TIAM1: variants seen among roughly 807,000 people sequenced by gnomAD.
TIAM1 encodes TIAM Rac1 associated GEF 1.
TIAM1 carries 65 observed loss-of-function variants against 163.5 expected under a neutral mutation model. The ratio of observed to expected loss-of-function variants is 0.40; its 90% CI spans 0.33 to 0.49. TIAM1 has a LOEUF of 0.49. TIAM1 is among the 20% of genes least tolerant of loss of function. The pLI, the probability that TIAM1 is intolerant of heterozygous loss-of-function variation, is 0.77. For missense variants in TIAM1, 1,789 were observed against 2,044.7 expected (o/e 0.87, Z 2.41); for synonymous variants, 833 against 810.1 (o/e 1.03, Z -0.48).
chr21:31,369,273 A>C (rs1461136178), intron 2 of TIAM1, among the ~76,000 whole-genome samples: 1 of 151,900 alleles, frequency 6.6e-6, no homozygotes, highest in Non-Finnish European at 1.5e-5. Context: ...AGGAAGCTAC[A>C]TGAGACTGAA....
chr21:31,153,806 G>A (rs8133904), intron 17 of TIAM1, among the ~76,000 whole-genome samples: 18,912 of 151,948 alleles, frequency 0.12, 1,428 homozygotes, highest in African/African-American at 0.2. Context: ...CACGCCTATA[G>A]TCCCAGTACT....
chr21:31,337,691 C>T (rs372042639), intron 2 of TIAM1, among the ~76,000 whole-genome samples: 18 of 151,822 alleles, frequency 1.2e-4, no homozygotes, highest in African/African-American at 3.1e-4. Flanking sequence ...GCCACCACAC[C>T]GGGCTAATTT....
intron 26 of TIAM1, among the ~76,000 whole-genome samples, 192 bp from the exon 27 acceptor site, chr21:31,124,886 G>C (rs918109622): frequency 6.6e-6 from 1 of 152,168 alleles, no homozygotes; most frequent in Non-Finnish European, 1.5e-5. Flanking sequence ...TTCCCTTCAT[G>C]CTTTGTGATC....
intron 1 of TIAM1, among the ~76,000 whole-genome samples, chr21:31,464,662 G>A (rs2045457244): frequency 6.6e-6 from 1 of 151,992 alleles, no homozygotes; most frequent in South Asian, 2.1e-4. Flanking sequence ...GGCCAACATG[G>A]TGAAACCCTG....
At chr21:31,362,054 G>A (rs2076416021) in intron 2 of TIAM1, among the ~76,000 whole-genome samples, 1 of 152,076 alleles carries the variant, frequency 6.6e-6, no homozygotes, top group African/African-American at 2.4e-5. Context: ...CCAGCTACCA[G>A]GGAGGCTAGA....
At chr21:31,264,135 CT>C (rs2146805930) in intron 4 of TIAM1, among the ~76,000 whole-genome samples, 1 of 151,686 alleles carries the variant, frequency 6.6e-6, no homozygotes, top group Non-Finnish European at 1.5e-5. Flanking sequence ...GTTTTTTTTT[CT>C]TTCCTTAGAG....
chr21:31,297,400 C>T (rs779618056), intron 2 of TIAM1, among the ~76,000 whole-genome samples: 35 of 151,998 alleles, frequency 2.3e-4, no homozygotes, highest in Non-Finnish European at 4.4e-4. Context: ...ACAGTGTGAA[C>T]GTACTTTCCT....
At chr21:31,382,630 G>A (rs1368968666) in intron 2 of TIAM1, among the ~76,000 whole-genome samples, 1 of 152,210 alleles carries the variant, frequency 6.6e-6, no homozygotes, top group Non-Finnish European at 1.5e-5. Flanking sequence ...CACTGAATGA[G>A]AGGATTGAAG....
At chr21:31,389,348 A>G (rs950860393) in intron 2 of TIAM1, among the ~76,000 whole-genome samples, 12 of 152,110 alleles carry the variant, frequency 7.9e-5, no homozygotes, top group African/African-American at 2.9e-4. Flanking sequence ...AGCTGTGATT[A>G]CAGGTGCCTT....
At position 31,365,428 on chromosome 21, in the gene TIAM1, G is replaced by A. The variant is rs867983481; in HGVS notation, c.-368-26006C>T. On this transcript the variant is annotated intron_variant, in intron 2 of 28. Transcript: ENST00000286827. ...TTTTGAGAGGGAGTCTCGCTCTGTC[G>A]CCCAGGCTGGAGTGCAGGGGCATGA... 4.5e-3 allele frequency among the ~76,000 whole-genome samples: 589 copies of A among 132,296 alleles called. 3 individuals are homozygous for A. Among genetic ancestry groups the A allele is most frequent in the African/African-American group, 0.016 (554 of 34,424 alleles). 86.8% of individuals were successfully genotyped at this position (132,296 alleles called of 152,430 possible).
chr21:31,208,305 T>TC (rs1171688785), intron 11 of TIAM1, among the ~76,000 whole-genome samples: 3 of 152,170 alleles, frequency 2.0e-5, no homozygotes, highest in Admixed American at 6.5e-5. Context: ...CACAGGATGC[T>TC]CCAAAGCCAT....
chr21:31,334,325 C>A (rs935388161), intron 2 of TIAM1, among the ~76,000 whole-genome samples: 2 of 151,700 alleles, frequency 1.3e-5, no homozygotes, highest in Non-Finnish European at 2.9e-5. Context: ...CACTCTGTTG[C>A]CCAGGCTTGA....
intron 1 of TIAM1, among the ~76,000 whole-genome samples, chr21:31,514,890 A>G (rs1011352739): frequency 6.6e-6 from 1 of 152,236 alleles, no homozygotes; most frequent in Non-Finnish European, 1.5e-5. Flanking sequence ...ACTTTGTTCC[A>G]GCGGAAAGCC....
At chr21:31,215,927 G>C (rs774097416) in intron 9 of TIAM1, among the ~76,000 whole-genome samples, 1 of 152,164 alleles carries the variant, frequency 6.6e-6, no homozygotes, top group South Asian at 2.1e-4. Flanking sequence ...TTGGGAGGCC[G>C]AAGTGGGCAG....
At chr21:31,289,818 A>T (rs1264557641) in intron 2 of TIAM1, among the ~76,000 whole-genome samples, 1 of 152,194 alleles carries the variant, frequency 6.6e-6, no homozygotes, top group Non-Finnish European at 1.5e-5. Context: ...ACCGATACAT[A>T]AAATCACAAA....
chr21:31,376,396 G>A (rs2076688252), intron 2 of TIAM1, among the ~76,000 whole-genome samples: 1 of 152,126 alleles, frequency 6.6e-6, no homozygotes, highest in Non-Finnish European at 1.5e-5. Flanking sequence ...GGGCACCCAG[G>A]TTTCCGTCTG....
chr21:31,495,495 T>C (rs1569384639), intron 1 of TIAM1, among the ~76,000 whole-genome samples: 6 of 152,148 alleles, frequency 3.9e-5, no homozygotes, highest in Admixed American at 3.9e-4. Flanking sequence ...CAGAGGAGCC[T>C]CCACGGCAGA....
intron 2 of TIAM1, among the ~76,000 whole-genome samples, chr21:31,331,907 T>C (rs1394943775): frequency 6.6e-6 from 1 of 152,188 alleles, no homozygotes; most frequent in South Asian, 2.1e-4. Flanking sequence ...ATATTGAACA[T>C]TCAGATCAGC....
At chr21:31,400,115 A>G (rs1267845831) in intron 2 of TIAM1, among the ~76,000 whole-genome samples, 2 of 151,894 alleles carry the variant, frequency 1.3e-5, no homozygotes, top group African/African-American at 2.4e-5. Flanking sequence ...TATAAGGACA[A>G]CACTCTTTTT....
Sources: allele counts gnomAD v4.1 joint callset (sites outside exome capture counted in the v4.1 genomes callset), GRCh38; gene constraint gnomAD v4.1.1; transcripts MANE v1.5; gene names NCBI Gene and HGNC (gene_info 2026-07-23, HGNC 2026-07-21).